NRG1: variants seen among roughly 807,000 people sequenced by gnomAD.
NRG1 encodes pro-neuregulin-1, membrane-bound isoform.
In NRG1, 18 loss-of-function variants were observed where a neutral mutation model predicts 63.8. The ratio of observed to expected loss-of-function variants is 0.28; its 90% CI spans 0.19 to 0.42. The LOEUF is 0.42. Ranked by LOEUF, NRG1 falls within the 10% of genes least tolerant of loss-of-function variation. The pLI is 1.00. For missense variants in NRG1, 762 were observed against 814.7 expected (o/e 0.94, Z 0.79); for synonymous variants, 302 against 301.3 (o/e 1.00, Z -0.02).
chr8:31,959,647 G>A (rs986642612), intron 1 of NRG1, among the ~76,000 whole-genome samples: 23 of 152,032 alleles, frequency 1.5e-4, no homozygotes, highest in Admixed American at 1.4e-3. Flanking sequence ...AGAGAAATTG[G>A]AGATTATCTT....
chr8:32,112,050 A>C (rs1006084367), intron 1 of NRG1, among the ~76,000 whole-genome samples: 3 of 152,230 alleles, frequency 2.0e-5, no homozygotes, highest in African/African-American at 4.8e-5. Context: ...GAAGTTAAAC[A>C]GTAATAATTT....
At chr8:31,825,511 A>C (rs1824462243) in intron 1 of NRG1, among the ~76,000 whole-genome samples, 1 of 152,236 alleles carries the variant, frequency 6.6e-6, no homozygotes, top group African/African-American at 2.4e-5. Flanking sequence ...AAATGAGTAC[A>C]GTATTAACAC....
intron 1 of NRG1, among the ~76,000 whole-genome samples, chr8:31,807,533 T>C (rs1822406709): frequency 1.3e-5 from 2 of 152,128 alleles, no homozygotes; most frequent in Non-Finnish European, 2.9e-5. Flanking sequence ...AGAAAAAACA[T>C]TCAATGTTCT....
At chr8:31,665,431 A>G (rs1806428710) in intron 1 of NRG1, among the ~76,000 whole-genome samples, 2 of 152,208 alleles carry the variant, frequency 1.3e-5, no homozygotes, top group Admixed American at 1.3e-4. Context: ...GTCATTTGGG[A>G]AAAAATGAGT....
At chr8:32,651,396 C>T (rs1855093941) in intron 5 of NRG1, among the ~76,000 whole-genome samples, 1 of 152,116 alleles carries the variant, frequency 6.6e-6, no homozygotes, top group African/African-American at 2.4e-5. Flanking sequence ...TTTTACTTCT[C>T]AATGAGTCAC....
Position 31,919,409 on chromosome 8 carries a change from C to T in NRG1, c.37+279978C>T, listed in dbSNP as rs117152618. Among the ~76,000 whole-genome samples the T allele has an allele frequency of 4.4e-3, 618 of 140,614 alleles. 1 individual carries two copies. Among genetic ancestry groups the T allele is most frequent in the Non-Finnish European group, 7.4e-3 (477 of 64,608 alleles). The allele number at this position is 140,614 out of a possible 152,430, so 92.2% of individuals were successfully genotyped here. A position where few individuals can be genotyped will look rare whatever the true frequency, so the allele number is the denominator to read the frequency against. On this transcript the variant is annotated intron_variant, in intron 1 of 10. Transcript: ENST00000519301. ...CATTCTTTTTTTTTTTTCATTTGTT[C>T]TTCAATTTAGCATTGAAATATTAAA...
chr8:31,667,213 T>G (rs1214491603), intron 1 of NRG1, among the ~76,000 whole-genome samples: 1 of 152,200 alleles, frequency 6.6e-6, no homozygotes, highest in Non-Finnish European at 1.5e-5. Flanking sequence ...ACCAATTTTC[T>G]GGGCACAAGA....
intron 1 of NRG1, among the ~76,000 whole-genome samples, chr8:31,706,523 A>G (rs1198257772): frequency 6.6e-6 from 1 of 152,168 alleles, no homozygotes; most frequent in East Asian, 1.9e-4. Context: ...TGCAAAGAAT[A>G]TTATATATGC....
At chr8:32,128,174 T>G (rs1033075569) in intron 1 of NRG1, among the ~76,000 whole-genome samples, 4 of 151,920 alleles carry the variant, frequency 2.6e-5, no homozygotes, top group African/African-American at 7.2e-5. Context: ...CATGAGGTGT[T>G]TTCTTCCACT....
chr8:31,929,542 TATA>T (rs1302340771), intron 1 of NRG1, among the ~76,000 whole-genome samples: 1 of 152,076 alleles, frequency 6.6e-6, no homozygotes, highest in Non-Finnish European at 1.5e-5. Flanking sequence ...ATGACATATA[TATA>T]ATATTTTGCA....
intron 1 of NRG1, among the ~76,000 whole-genome samples, chr8:31,837,515 A>G (rs941224278): frequency 6.6e-6 from 1 of 152,070 alleles, no homozygotes; most frequent in Admixed American, 6.6e-5. Context: ...TTGTGAGAAC[A>G]TCCAAAATTC....
chr8:32,438,138 T>C (rs2129487234), intron 1 of NRG1, among the ~76,000 whole-genome samples: 1 of 152,304 alleles, frequency 6.6e-6, no homozygotes, highest in East Asian at 1.9e-4. Flanking sequence ...AACATTTTCA[T>C]CCAGGCATCC....
chr8:31,784,092 G>T (rs149606548), intron 1 of NRG1, among the ~76,000 whole-genome samples: 7 of 151,998 alleles, frequency 4.6e-5, no homozygotes, highest in African/African-American at 1.7e-4. Flanking sequence ...CTGATTCCGG[G>T]GCTCATCCTG....
chr8:32,105,493 C>T lies in NRG1; in HGVS notation c.37+466062C>T, dbSNP rs1472521978. ...TCACAAGAATAGCATGGCAAAGACC[C>T]GCCACCATGATTCAATTACCTCCCA... On this transcript the variant is annotated intron_variant, in intron 1 of 10. Transcript: ENST00000519301. Among the ~76,000 whole-genome samples, 6 of 152,194 alleles carry T rather than the reference C, an allele frequency of 3.9e-5. No individual in the cohort carries two copies. In the East Asian group the frequency reaches 5.8e-4, roughly 15 times the overall value.
intron 1 of NRG1, among the ~76,000 whole-genome samples, chr8:32,065,416 A>G (rs1383335374): frequency 6.6e-6 from 1 of 151,880 alleles, no homozygotes; most frequent in African/African-American, 2.4e-5. Flanking sequence ...ATGTGTTCTC[A>G]TTGTTCAATT....
At chr8:31,771,044 C>T (rs1029872310) in intron 1 of NRG1, among the ~76,000 whole-genome samples, 1 of 152,060 alleles carries the variant, frequency 6.6e-6, no homozygotes, top group Non-Finnish European at 1.5e-5. Context: ...GCATATGGTT[C>T]ACTGAAACTT....
intron 1 of NRG1, among the ~76,000 whole-genome samples, chr8:32,489,451 A>T (rs1190508488): frequency 2.6e-5 from 4 of 152,114 alleles, no homozygotes; most frequent in Non-Finnish European, 5.9e-5. Context: ...TTAGAGAGAC[A>T]GTTACCAACC....
chr8:31,687,382 G>A (rs4403369), intron 1 of NRG1, among the ~76,000 whole-genome samples: 128,690 of 152,232 alleles, frequency 0.85, 54,705 homozygotes, highest in Admixed American at 0.91. Flanking sequence ...AGCCTTGTAG[G>A]CAAAACAAGA....
At chr8:32,679,765 G>A (rs907199884) in intron 5 of NRG1, among the ~76,000 whole-genome samples, 6 of 152,226 alleles carry the variant, frequency 3.9e-5, no homozygotes, top group Middle Eastern at 6.8e-3. Context: ...GATCTTATGT[G>A]TTCACCTGAA....
Sources: gnomAD v4.1 joint callset for allele counts (sites outside exome capture counted in the v4.1 genomes callset) on GRCh38, gnomAD v4.1.1 for gene constraint, MANE v1.5 for transcripts, NCBI Gene and HGNC (gene_info 2026-07-23, HGNC 2026-07-21) for gene names.